The following PRIM2 variants were observed in gnomAD, a reference collection of about 807,000 sequenced individuals.
PRIM2 encodes DNA primase subunit 2, also known as DNA primase large subunit.
Under a neutral mutation model 67.3 loss-of-function variants are expected in PRIM2, and 39 were observed. The observed-to-expected ratio is 0.58, with a 90% confidence interval of 0.45 to 0.76. The LOEUF (loss-of-function observed/expected upper bound fraction) is 0.76, where lower values mean the gene tolerates loss of function less well. Ranked by LOEUF, PRIM2 falls within the 30% of genes least tolerant of loss-of-function variation. PRIM2 has a pLI of 0.00. For missense variants in PRIM2, 398 were observed against 598.7 expected (o/e 0.66, Z 3.50); for synonymous variants, 143 against 198.7 (o/e 0.72, Z 2.36).
chr6:57,449,964 C>T (rs1435226327), intron 7 of PRIM2, among the ~76,000 whole-genome samples: 4 of 152,094 alleles, frequency 2.6e-5, no homozygotes, highest in Non-Finnish European at 5.9e-5. Flanking sequence ...CACAAAGGAA[C>T]AAGATTAATG....
At chr6:57,256,631 T>TACACACAC in the PRIM2 span, among the ~76,000 whole-genome samples, 40 of 141,028 alleles carry the variant, frequency 2.8e-4, no homozygotes, top group African/African-American at 9.2e-4. Context: ...CTCTTTCTCT[T>TACACACAC]ACACACACAC....
At chr6:57,634,302 G>T (rs1470917511) in intron 13 of PRIM2, among the ~76,000 whole-genome samples, 4 of 152,212 alleles carry the variant, frequency 2.6e-5, no homozygotes, top group Non-Finnish European at 4.4e-5. Flanking sequence ...TGGAGCTAGA[G>T]CCCCAGTCTG....
chr6:57,567,210 G>A (rs1329740671), intron 10 of PRIM2, among the ~76,000 whole-genome samples: 1 of 152,158 alleles, frequency 6.6e-6, no homozygotes, highest in Non-Finnish European at 1.5e-5. Flanking sequence ...TAGTGGTTGA[G>A]AAGATGTATA....
At chr6:57,345,371 T>G (rs188316691) in intron 5 of PRIM2, among the ~76,000 whole-genome samples, 5 of 151,984 alleles carry the variant, frequency 3.3e-5, no homozygotes, top group African/African-American at 1.2e-4. Context: ...TTTGTCATGT[T>G]GGCCAGGCTG....
intron 10 of PRIM2, among the ~76,000 whole-genome samples, chr6:57,542,021 G>T (rs1171109647): frequency 6.9e-6 from 1 of 145,596 alleles, no homozygotes; most frequent in Non-Finnish European, 1.5e-5. Flanking sequence ...TGTCACCCAG[G>T]CTGGAGTGCA....
chr6:57,456,127 G>C (rs1050631643), intron 7 of PRIM2, among the ~76,000 whole-genome samples: 1 of 152,110 alleles, frequency 6.6e-6, no homozygotes, highest in Non-Finnish European at 1.5e-5. Flanking sequence ...ACTCTCTTTT[G>C]GCTTGTAGAG....
chr6:57,424,017 G>T (rs899297887), intron 7 of PRIM2, among the ~76,000 whole-genome samples: 1 of 152,196 alleles, frequency 6.6e-6, no homozygotes, highest in Non-Finnish European at 1.5e-5. Context: ...GGGCTGACTA[G>T]AAATTTTTGT....
intron 7 of PRIM2, among the ~76,000 whole-genome samples, chr6:57,463,553 T>C (rs1430414177): frequency 6.6e-6 from 1 of 152,174 alleles, no homozygotes; most frequent in Non-Finnish European, 1.5e-5. Context: ...TGGTTGTTTC[T>C]ATCTTTAATT....
intron 4 of PRIM2, among the ~76,000 whole-genome samples, chr6:57,325,059 G>A (rs779416986): frequency 4.0e-5 from 6 of 151,712 alleles, no homozygotes; most frequent in African/African-American, 4.8e-5. Flanking sequence ...TAACGATAAT[G>A]CCCATTAGTA....
At chr6:57,418,151 A>G (rs578061028) in intron 7 of PRIM2, among the ~76,000 whole-genome samples, 1 of 152,274 alleles carries the variant, frequency 6.6e-6, no homozygotes, top group African/African-American at 2.4e-5. Flanking sequence ...AAGAAGGCTT[A>G]AAAATGGCCA....
chr6:57,613,607 G>T (rs1776702833), intron 12 of PRIM2, among the ~76,000 whole-genome samples: 1 of 152,152 alleles, frequency 6.6e-6, no homozygotes, highest in Non-Finnish European at 1.5e-5. Flanking sequence ...TGCAAGCTAA[G>T]AACTTAGCTG....
the PRIM2 span, among the ~76,000 whole-genome samples, chr6:57,233,686 G>T: frequency 0.87 from 128,110 of 147,402 alleles, 56,592 homozygotes; most frequent in South Asian, 0.99. Context: ...GGCTCACTCC[G>T]TTGCCCAAGC....
chr6:57,321,080 G>A (rs1302540279), intron 3 of PRIM2, among the ~76,000 whole-genome samples: 2 of 152,148 alleles, frequency 1.3e-5, no homozygotes, highest in Admixed American at 6.5e-5. Context: ...GGTCATGTCT[G>A]TTAGGAGGGA....
chr6:57,307,568 C>G, the PRIM2 span, among the ~76,000 whole-genome samples: 1 of 152,014 alleles, frequency 6.6e-6, no homozygotes, highest in Non-Finnish European at 1.5e-5. Flanking sequence ...AGATTATTTA[C>G]AAAGGTGTGG....
chr6:57,342,860 A>G (rs1242834863), intron 5 of PRIM2, among the ~76,000 whole-genome samples: 7 of 152,220 alleles, frequency 4.6e-5, no homozygotes, highest in Non-Finnish European at 8.8e-5. Flanking sequence ...ACTTCTGTTT[A>G]TTTAAAAGTA....
At position 57,458,041 on chromosome 6, in the gene PRIM2, C is replaced by T. The variant is rs1278173421; in HGVS notation, c.694-49346C>T. 2.0e-5 allele frequency among the ~76,000 whole-genome samples: 3 copies of T among 152,274 alleles called. No individual in the cohort carries two copies. In the South Asian group the frequency reaches 6.2e-4, roughly 32 times the overall value. On this transcript the variant is annotated intron_variant, in intron 7 of 13. Coordinates refer to ENST00000615550, the MANE Select transcript of PRIM2 (RefSeq NM_000947.5). ...TCCTTTGCTCGTTACACAGTTCTTT[C>T]GTTTTCTTAGTTCACATTCCTGAGA...
chr6:57,307,667 G>A, the PRIM2 span, among the ~76,000 whole-genome samples: 2 of 152,170 alleles, frequency 1.3e-5, no homozygotes, highest in African/African-American at 4.8e-5. Flanking sequence ...GAAAGGTAGA[G>A]GAAAAGGAGC....
At chr6:57,411,296 A>G (rs1421325870) in intron 7 of PRIM2, among the ~76,000 whole-genome samples, 3 of 152,118 alleles carry the variant, frequency 2.0e-5, no homozygotes, top group Admixed American at 6.6e-5. Flanking sequence ...TTTCTTATAA[A>G]TTACCCAGTC....
At chr6:57,257,693 A>G in the PRIM2 span, among the ~76,000 whole-genome samples, 1 of 152,266 alleles carries the variant, frequency 6.6e-6, no homozygotes, top group East Asian at 1.9e-4. Flanking sequence ...TCCCTTTTCT[A>G]ACTGTACCCT....
Sources: allele counts gnomAD v4.1 joint callset (sites outside exome capture counted in the v4.1 genomes callset), GRCh38; gene constraint gnomAD v4.1.1; transcripts MANE v1.5; gene names NCBI Gene and HGNC (gene_info 2026-07-23, HGNC 2026-07-21).